Variants in DCP1A observed in about 807,000 individuals in gnomAD.
DCP1A encodes the protein mRNA-decapping enzyme 1A.
A neutral mutation model predicts 58.0 loss-of-function variants in DCP1A; 20 were observed. The ratio of observed to expected loss-of-function variants is 0.34; its 90% CI spans 0.24 to 0.50. DCP1A has a LOEUF of 0.50. DCP1A is among the 20% of genes least tolerant of loss of function. The probability of loss-of-function intolerance (pLI) is 0.98; values close to 1 mark genes in which losing one functional copy is unlikely to be tolerated. For missense variants in DCP1A, 613 were observed against 712.2 expected, an observed-to-expected ratio of 0.86 and a Z score of 1.59; for synonymous variants, 285 against 275.1, an observed-to-expected ratio of 1.04 and a Z score of -0.36.
At chr3:53,314,671 T>TTC (rs1402315322) in intron 4 of DCP1A, among the ~76,000 whole-genome samples, 2 of 135,838 alleles carry the variant, frequency 1.5e-5, no homozygotes, top group African/African-American at 5.4e-5. Context: ...CTTTTTCTTT[T>TTC]TTTTTTTTTT....
At chr3:53,342,344 T>C in intron 2 of DCP1A, 73 bp from the exon 3 acceptor site, 2 of 1,120,594 alleles carry the variant, frequency 1.8e-6, no homozygotes, top group Non-Finnish European at 2.5e-6. Flanking sequence ...ACTATGTACT[T>C]TATTTTCATT....
At chr3:53,290,953 C>G (rs1192539660) in intron 7 of DCP1A, 97 bp from the exon 8 acceptor site, 4 of 1,094,140 alleles carry the variant, frequency 3.7e-6, no homozygotes, top group Admixed American at 4.7e-5. Context: ...AGTGGAAAAT[C>G]TAGGTTAGTA....
At chr3:53,315,088 C>T (rs1458630774) in intron 4 of DCP1A, among the ~76,000 whole-genome samples, 6 of 152,192 alleles carry the variant, frequency 3.9e-5, no homozygotes, top group Non-Finnish European at 8.8e-5. Context: ...CTAATCCAAA[C>T]TTTATGGATA....
intron 5 of DCP1A, 143 bp downstream of exon 5, chr3:53,312,098 G>GA: frequency 1.2e-6 from 1 of 821,652 alleles, no homozygotes; most frequent in Non-Finnish European, 1.8e-6. Context: ...CTGATTACAG[G>GA]AGTGTGCTAA....
intron 5 of DCP1A, among the ~76,000 whole-genome samples, chr3:53,308,096 C>G (rs781809447): frequency 6.6e-6 from 1 of 151,678 alleles, no homozygotes; most frequent in Non-Finnish European, 1.5e-5. Flanking sequence ...CATATTTTTG[C>G]AAGGATACGT....
At chr3:53,291,486 C>T (rs1038850392) in intron 7 of DCP1A, among the ~76,000 whole-genome samples, 4 of 151,834 alleles carry the variant, frequency 2.6e-5, no homozygotes, top group African/African-American at 9.7e-5. Context: ...TTCCCACTAC[C>T]CTTCCCAGCC....
chr3:53,315,632 A>G (rs1707780090), intron 4 of DCP1A, among the ~76,000 whole-genome samples: 1 of 150,522 alleles, frequency 6.6e-6, no homozygotes, highest in Admixed American at 6.7e-5. Flanking sequence ...CAACTCTGCC[A>G]CCACTGACCA....
intron 5 of DCP1A, among the ~76,000 whole-genome samples, chr3:53,308,118 A>G (rs78525033): frequency 6.6e-6 from 1 of 152,186 alleles, no homozygotes; most frequent in Non-Finnish European, 1.5e-5. Context: ...ACAAAGTATT[A>G]GCAGTGATTA....
chr3:53,320,977 G>A (rs1051325778), intron 3 of DCP1A, among the ~76,000 whole-genome samples: 1 of 152,248 alleles, frequency 6.6e-6, no homozygotes, highest in Admixed American at 6.5e-5. Context: ...GAAGTCCCCT[G>A]GCGGCCAATT....
Position 53,285,616 on chromosome 3 carries a change from G to T in DCP1A, c.*1964C>A, listed in dbSNP as rs1246043624. 1 of 152,072 alleles carries T rather than the reference G, an allele frequency of 6.6e-6. No individual in the cohort carries two copies. Among genetic ancestry groups the T allele is most frequent in the Non-Finnish European group, 1.5e-5 (1 of 68,016 alleles). 9.4% of individuals were successfully genotyped at this position (152,072 alleles called of 1,614,324 possible). On this transcript the variant is annotated 3_prime_UTR_variant, in exon 10 of 10. Coordinates refer to ENST00000610213, the MANE Select transcript of DCP1A (RefSeq NM_018403.7). ...TAGCATTAAAGGTGAAAATTAGTAT[G>T]ATCACAGACTCTCTTTAGGATATTC...
At chr3:53,306,931 C>CTTTTTTTTTTTT (rs1159787111) in intron 5 of DCP1A, among the ~76,000 whole-genome samples, 1 of 101,558 alleles carries the variant, frequency 9.8e-6, no homozygotes, top group Non-Finnish European at 1.9e-5. Flanking sequence ...CCAGGCTGTT[C>CTTTTTTTTTTTT]TTTTTTTTTT....
intron 5 of DCP1A, among the ~76,000 whole-genome samples, chr3:53,305,373 G>A (rs550469318): frequency 2.7e-5 from 4 of 149,456 alleles, no homozygotes; most frequent in African/African-American, 7.4e-5. Flanking sequence ...TTTTTGAGAC[G>A]GAGTCTCACT....
Position 53,286,352 on chromosome 3 carries a change from G to A in DCP1A, c.*1228C>T, listed in dbSNP as rs569094138. On this transcript the variant is annotated 3_prime_UTR_variant, in exon 10 of 10. Coordinates refer to ENST00000610213, the MANE Select transcript of DCP1A (RefSeq NM_018403.7). ...ACAAAATGACCTGTATCATAGAAAC[G>A]AAGACACTTTCATTCAAAGAATATC... The A allele has an allele frequency of 6.6e-6, 1 of 152,138 alleles. No homozygotes were observed. Among genetic ancestry groups the A allele is most frequent in the Non-Finnish European group, 1.5e-5 (1 of 68,018 alleles). The allele number at this position is 152,138 out of a possible 1,614,324, so 9.4% of individuals were successfully genotyped here.
chr3:53,328,792 C>G (rs1477019647), intron 3 of DCP1A, among the ~76,000 whole-genome samples: 17 of 152,210 alleles, frequency 1.1e-4, no homozygotes, highest in African/African-American at 3.6e-4. Context: ...TTAAGTCCCT[C>G]TATGTTTTCG....
chr3:53,331,354 T>C (rs906812702), intron 3 of DCP1A, among the ~76,000 whole-genome samples: 5 of 152,194 alleles, frequency 3.3e-5, no homozygotes, highest in African/African-American at 1.2e-4. Flanking sequence ...AAATGCTGCT[T>C]TGGTCAGTGA....
At chr3:53,296,292 A>G (rs1159589589) in intron 6 of DCP1A, among the ~76,000 whole-genome samples, 1 of 152,180 alleles carries the variant, frequency 6.6e-6, no homozygotes, top group African/African-American at 2.4e-5. Context: ...ACAACAAAAC[A>G]CCTGGTAAGA....
rs566328019 is a variant in DCP1A, at chr3:53,344,070, A to G, written c.176+832T>C. 6.6e-5 allele frequency among the ~76,000 whole-genome samples: 10 copies of G among 152,326 alleles called. No homozygotes were observed. The East Asian group carries it at 1.9e-3, about 29-fold the overall frequency. On this transcript the variant is annotated intron_variant, in intron 2 of 9. Transcript: ENST00000610213. Reference sequence around the variant, plus strand: ...CTCAAAGCTTTGTATCAAAATTTAGAAGAGTATTTGACAAATTCTTTTAAA... The same window carrying G: ...CTCAAAGCTTTGTATCAAAATTTAGGAGAGTATTTGACAAATTCTTTTAAA...
At chr3:53,310,595 C>G (rs116656884) in intron 5 of DCP1A, among the ~76,000 whole-genome samples, 224 of 152,346 alleles carry the variant, frequency 1.5e-3, no homozygotes, top group African/African-American at 5.1e-3. Flanking sequence ...CGCTTGTCAT[C>G]AAGGGTAGAA....
At chr3:53,327,643 T>G (rs1708147771) in intron 3 of DCP1A, among the ~76,000 whole-genome samples, 1 of 148,378 alleles carries the variant, frequency 6.7e-6, no homozygotes, top group Admixed American at 6.8e-5. Context: ...TACAAAAAAT[T>G]AGCCAGGCAT....
Sources: allele counts gnomAD v4.1 joint callset (sites outside exome capture counted in the v4.1 genomes callset), GRCh38; gene constraint gnomAD v4.1.1; transcripts MANE v1.5; gene names NCBI Gene and HGNC (gene_info 2026-07-23, HGNC 2026-07-21).